The following ADAMTSL1 variants were observed in gnomAD, a reference collection of about 807,000 sequenced individuals.
ADAMTSL1 encodes the protein ADAMTS like 1.
In ADAMTSL1, 126 loss-of-function variants were observed where a neutral mutation model predicts 201.8. That is an observed-to-expected ratio of 0.62 (90% confidence interval 0.54 to 0.72). The LOEUF (loss-of-function observed/expected upper bound fraction) is 0.72, where lower values mean the gene tolerates loss of function less well. Among genes scored for constraint, ADAMTSL1 ranks in the 30% least tolerant of loss-of-function variants. The probability of loss-of-function intolerance (pLI) is 0.00; values close to 1 mark genes in which losing one functional copy is unlikely to be tolerated. For synonymous variants in ADAMTSL1, 1,121 were observed against 903.4 expected, an observed-to-expected ratio of 1.24 and a Z score of -4.32; for missense variants, 2,679 against 2,277.8, an observed-to-expected ratio of 1.18 and a Z score of -3.59.
chr9:17,933,608 C>G (rs1227752928), intron 1 of ADAMTSL1, among the ~76,000 whole-genome samples: 1 of 152,092 alleles, frequency 6.6e-6, no homozygotes, highest in East Asian at 1.9e-4. Context: ...GCTCACAGTT[C>G]TGCAGGAACT....
intron 21 of ADAMTSL1, 122 bp downstream of exon 21, chr9:18,817,359 C>T: frequency 1.0e-6 from 1 of 978,586 alleles, no homozygotes; most frequent in Non-Finnish European, 1.5e-6. Flanking sequence ...AAAGCCAAAG[C>T]ATGAACCTCA....
At chr9:18,692,484 G>C (rs1285367338) in intron 13 of ADAMTSL1, among the ~76,000 whole-genome samples, 1 of 152,136 alleles carries the variant, frequency 6.6e-6, no homozygotes, top group African/African-American at 2.4e-5. Flanking sequence ...TCGCTTAGCA[G>C]AGCCCTAGAG....
chr9:18,797,260 C>A (rs76210256), intron 20 of ADAMTSL1, among the ~76,000 whole-genome samples: 2 of 152,224 alleles, frequency 1.3e-5, no homozygotes, highest in Non-Finnish European at 2.9e-5. Flanking sequence ...GCTGGAAAGT[C>A]TATCAAGCAG....
chr9:18,447,922 A>G (rs1009753690), intron 2 of ADAMTSL1, among the ~76,000 whole-genome samples: 4 of 152,216 alleles, frequency 2.6e-5, no homozygotes, highest in African/African-American at 7.2e-5. Flanking sequence ...GATGTGAGCA[A>G]TTTGGTTTGG....
At chr9:18,016,113 T>C (rs1820250152) in intron 1 of ADAMTSL1, among the ~76,000 whole-genome samples, 1 of 152,040 alleles carries the variant, frequency 6.6e-6, no homozygotes, top group Non-Finnish European at 1.5e-5. Flanking sequence ...GTTCCTGTTA[T>C]GGGGTAAACA....
intron 2 of ADAMTSL1, among the ~76,000 whole-genome samples, chr9:18,248,191 G>C (rs1196796834): frequency 6.6e-6 from 1 of 152,132 alleles, no homozygotes; most frequent in Non-Finnish European, 1.5e-5. Context: ...GAGTAAACCT[G>C]AGCATTCACG....
chr9:18,452,117 T>A (rs1156484569), intron 2 of ADAMTSL1, among the ~76,000 whole-genome samples: 2 of 152,192 alleles, frequency 1.3e-5, no homozygotes, highest in African/African-American at 4.8e-5. Flanking sequence ...TTCTCCATGT[T>A]GGTCAGGCTG....
rs558618854 is a variant in ADAMTSL1 at position 18,168,733 on chromosome 9, G to T, written c.207+4752G>T. ...TCCACAATGGTTGAACTAGTTTACA[G>T]TCCCACCAACAGTGTAAAAGTGTTC... On this transcript the variant is annotated intron_variant, in intron 2 of 29. Coordinates refer to the ADAMTSL1 transcript ENST00000680146. 6.2e-5 allele frequency among the ~76,000 whole-genome samples: 9 copies of T among 144,522 alleles called. No homozygotes were observed. In the South Asian group the frequency reaches 6.9e-4, roughly 11 times the overall value. The allele number at this position is 144,522 out of a possible 152,430, so 94.8% of individuals were successfully genotyped here.
intron 15 of ADAMTSL1, 109 bp downstream of exon 15, chr9:18,721,774 C>T: frequency 6.9e-7 from 1 of 1,445,624 alleles, no homozygotes. Flanking sequence ...TTTTGAAAAC[C>T]AATTAGCATC....
intron 14 of ADAMTSL1, chr9:18,718,329 C>G (rs1378524053): frequency 1.3e-6 from 1 of 740,756 alleles, no homozygotes; most frequent in Non-Finnish European, 2.5e-6. Context: ...CAAATCCCTC[C>G]TTGCTATACA....
chr9:17,935,832 C>T (rs1032173296), intron 1 of ADAMTSL1, among the ~76,000 whole-genome samples: 2 of 152,182 alleles, frequency 1.3e-5, no homozygotes, highest in Admixed American at 6.6e-5. Flanking sequence ...CCTTCAGTCT[C>T]GTCTCAGTAG....
intron 16 of ADAMTSL1, among the ~76,000 whole-genome samples, chr9:18,755,987 A>G (rs1024751624): frequency 3.4e-4 from 51 of 149,850 alleles, no homozygotes; most frequent in African/African-American, 1.2e-3. Flanking sequence ...GAAGGTCAGC[A>G]GTGTTTCTAC....
intron 22 of ADAMTSL1, among the ~76,000 whole-genome samples, chr9:18,827,457 G>A (rs538936425): frequency 6.6e-6 from 1 of 151,714 alleles, no homozygotes; most frequent in Non-Finnish European, 1.5e-5. Flanking sequence ...AGGCCCAAAC[G>A]GGTTTTCATC....
At chr9:18,356,909 T>C (rs928771981) in intron 2 of ADAMTSL1, among the ~76,000 whole-genome samples, 2 of 152,210 alleles carry the variant, frequency 1.3e-5, no homozygotes, top group Non-Finnish European at 2.9e-5. Flanking sequence ...GATCTATCTA[T>C]GCTGAGTTTA....
intron 2 of ADAMTSL1, among the ~76,000 whole-genome samples, chr9:18,323,413 C>T (rs1810949930): frequency 1.3e-5 from 2 of 152,050 alleles, no homozygotes; most frequent in Admixed American, 6.5e-5. Context: ...ATATAAGAAA[C>T]CTAAAATTAG....
intron 20 of ADAMTSL1, among the ~76,000 whole-genome samples, chr9:18,811,194 A>T (rs1286536748): frequency 1.3e-5 from 2 of 152,066 alleles, no homozygotes. Flanking sequence ...CTGAGCAGGG[A>T]GCCTAGATTC....
chr9:18,002,488 T>C (rs1360006230), intron 1 of ADAMTSL1, among the ~76,000 whole-genome samples: 1 of 152,048 alleles, frequency 6.6e-6, no homozygotes, highest in Non-Finnish European at 1.5e-5. Flanking sequence ...AGTAAGTTCT[T>C]AATAATGTAA....
At chr9:18,114,457 C>G (rs1444976404) in intron 1 of ADAMTSL1, among the ~76,000 whole-genome samples, 2 of 151,936 alleles carry the variant, frequency 1.3e-5, no homozygotes, top group Non-Finnish European at 1.5e-5. Flanking sequence ...TCAGAACGGA[C>G]AAGGCTTAGG....
intron 2 of ADAMTSL1, among the ~76,000 whole-genome samples, chr9:18,369,581 G>A (rs953673116): frequency 2.0e-5 from 3 of 152,102 alleles, no homozygotes; most frequent in African/African-American, 4.8e-5. Flanking sequence ...ATTCCCTAAA[G>A]AACTAAAAAT....
Sources: allele counts gnomAD v4.1 joint callset (sites outside exome capture counted in the v4.1 genomes callset), GRCh38; gene constraint gnomAD v4.1.1; transcripts MANE v1.5; gene names NCBI Gene and HGNC (gene_info 2026-07-23, HGNC 2026-07-21).